The following ATOSA variants were observed in gnomAD, a reference collection of about 807,000 sequenced individuals.
ATOSA encodes atos homolog A.
At chr15:52,624,460 A>T in the ATOSA span, among the ~76,000 whole-genome samples, 1 of 151,878 alleles carries the variant, frequency 6.6e-6, no homozygotes, top group East Asian at 1.9e-4. Context: ...CATGAATTTC[A>T]CCTCCTCATG....
chr15:52,634,005 A>G, the ATOSA span, among the ~76,000 whole-genome samples: 1 of 152,224 alleles, frequency 6.6e-6, no homozygotes, highest in African/African-American at 2.4e-5. Context: ...GAGGTAGCCT[A>G]TAACAAGTTA....
At chr15:52,673,048 T>C in the ATOSA span, among the ~76,000 whole-genome samples, 1 of 152,162 alleles carries the variant, frequency 6.6e-6, no homozygotes, top group East Asian at 1.9e-4. Flanking sequence ...AGCCCCCTTT[T>C]GTCTTCCTCA....
the ATOSA span, chr15:52,600,356 C>G: frequency 1.8e-6 from 1 of 568,852 alleles, no homozygotes; most frequent in East Asian, 3.1e-5. Context: ...ATAGCTCATA[C>G]AGCTCAAACT....
At chr15:52,609,943 C>T in the ATOSA span, 1 of 1,611,840 alleles carries the variant, frequency 6.2e-7, no homozygotes, top group Non-Finnish European at 8.5e-7. Flanking sequence ...TTTTATATCA[C>T]CTATACCACT....
chr15:52,614,075 TTAATTA>T, the ATOSA span, among the ~76,000 whole-genome samples: 1 of 151,890 alleles, frequency 6.6e-6, no homozygotes, highest in Non-Finnish European at 1.5e-5. Flanking sequence ...AACTGGTATA[TTAATTA>T]TAATTGTAAT....
the ATOSA span, among the ~76,000 whole-genome samples, chr15:52,598,229 A>C: frequency 2.0e-5 from 3 of 152,228 alleles, no homozygotes; most frequent in African/African-American, 4.8e-5. Context: ...AAAAATCACA[A>C]AAAAAATCTA....
At chr15:52,651,917 T>C in the ATOSA span, 3 of 1,535,368 alleles carry the variant, frequency 2.0e-6, no homozygotes, top group Non-Finnish European at 2.6e-6. Context: ...ACTGGAATCC[T>C]TGTATAAAGG....
chr15:52,600,189 T>C, the ATOSA span: 1 of 1,612,470 alleles, frequency 6.2e-7, no homozygotes, highest in Non-Finnish European at 8.5e-7. Context: ...AAAAATGGTT[T>C]TTCATGAATA....
chr15:52,587,909 ATAT>A, the ATOSA span, among the ~76,000 whole-genome samples: 1 of 152,196 alleles, frequency 6.6e-6, no homozygotes, highest in Non-Finnish European at 1.5e-5. Context: ...CTTAATCTGG[ATAT>A]TATTAAGGTA....
At chr15:52,597,150 A>ATTCTG in the ATOSA span, among the ~76,000 whole-genome samples, 1,692 of 41,452 alleles carry the variant, frequency 0.041, 76 homozygotes, top group South Asian at 0.092. Flanking sequence ...ATTCTATTTT[A>ATTCTG]TTCTGTTCTG....
the ATOSA span, among the ~76,000 whole-genome samples, chr15:52,665,378 T>C: frequency 2.0e-3 from 299 of 152,338 alleles, no homozygotes; most frequent in African/African-American, 4.8e-3. Flanking sequence ...GAAAACAAGA[T>C]ACAAATCAGA....
the ATOSA span, among the ~76,000 whole-genome samples, chr15:52,598,299 C>G: frequency 1.3e-5 from 2 of 152,102 alleles, no homozygotes; most frequent in Non-Finnish European, 2.9e-5. Context: ...TGTCCTGGGC[C>G]GCAGGCTGGA....
chr15:52,620,957 A>C, the ATOSA span, among the ~76,000 whole-genome samples: 2 of 152,184 alleles, frequency 1.3e-5, no homozygotes, highest in Non-Finnish European at 2.9e-5. Context: ...AATAAAAATA[A>C]AAAGTGTCCT....
the ATOSA span, chr15:52,611,852 T>G: frequency 7.6e-7 from 1 of 1,319,046 alleles, no homozygotes; most frequent in Middle Eastern, 1.9e-4. Flanking sequence ...AAATTATCAT[T>G]GTAAAGTAGA....
chr15:52,641,510 G>A, the ATOSA span, among the ~76,000 whole-genome samples: 1 of 152,206 alleles, frequency 6.6e-6, no homozygotes, highest in Non-Finnish European at 1.5e-5. Context: ...TGGACCAGAA[G>A]TGTATGAGAA....
the ATOSA span, among the ~76,000 whole-genome samples, chr15:52,610,742 A>G: frequency 7.2e-5 from 11 of 152,350 alleles, no homozygotes; most frequent in East Asian, 1.9e-3. Context: ...GAGACACCCT[A>G]TCTCATGGCC....
At chr15:52,690,832 C>G in the ATOSA span, among the ~76,000 whole-genome samples, 1 of 152,084 alleles carries the variant, frequency 6.6e-6, no homozygotes, top group Non-Finnish European at 1.5e-5. Flanking sequence ...CTCAAGATAA[C>G]AGACTGAAAA....
chr15:52,676,004 AG>A, the ATOSA span, among the ~76,000 whole-genome samples: 1 of 152,230 alleles, frequency 6.6e-6, no homozygotes, highest in Non-Finnish European at 1.5e-5. Flanking sequence ...GAAAATTAAA[AG>A]GTGACAAGGA....
chr15:52,617,088 T>A, the ATOSA span, among the ~76,000 whole-genome samples: 6 of 152,184 alleles, frequency 3.9e-5, no homozygotes, highest in Non-Finnish European at 5.9e-5. Context: ...ATGGGCTGAA[T>A]TGAAATTCAT....
Sources: allele counts gnomAD v4.1 joint callset (sites outside exome capture counted in the v4.1 genomes callset), GRCh38; gene constraint gnomAD v4.1.1; transcripts MANE v1.5; gene names NCBI Gene and HGNC (gene_info 2026-07-23, HGNC 2026-07-21).